MAPRE2: variants seen among roughly 807,000 people sequenced by gnomAD.
The protein encoded by MAPRE2 is microtubule-associated protein RP/EB family member 2.
MAPRE2 carries 13 observed loss-of-function variants against 43.2 expected under a neutral mutation model. The ratio of observed to expected loss-of-function variants is 0.30; its 90% confidence interval spans 0.20 to 0.48. MAPRE2 has a LOEUF of 0.48. Ranked by LOEUF, MAPRE2 falls within the 20% of genes least tolerant of loss-of-function variation. The pLI, the probability that MAPRE2 is intolerant of heterozygous loss-of-function variation, is 0.99. For synonymous variants in MAPRE2, 135 were observed against 148.8 expected (o/e 0.91, Z 0.68); for missense variants, 161 against 400.2 (o/e 0.40, Z 5.10).
At chr18:35,080,825 TC>T (rs1568996248) in intron 2 of MAPRE2, among the ~76,000 whole-genome samples, 1 of 149,336 alleles carries the variant, frequency 6.7e-6, no homozygotes, top group Admixed American at 6.7e-5. Context: ...TTTTTTTTTT[TC>T]CCACCCTGAA....
intron 1 of MAPRE2, among the ~76,000 whole-genome samples, chr18:35,064,680 C>G (rs1000370577): frequency 1.3e-5 from 2 of 152,136 alleles, no homozygotes; most frequent in Non-Finnish European, 2.9e-5. Flanking sequence ...AGTAGGCTAA[C>G]TCAGGTCTCA....
Position 35,132,165 on chromosome 18 carries a change from A to G in MAPRE2, c.884A>G (p.Asp295Gly). The G allele has an allele frequency of 1.2e-6, 2 of 1,614,194 alleles. No individual in the cohort carries two copies. The highest frequency in any genetic ancestry group is 8.5e-7 in the Non-Finnish European group (1 of 1,180,018). Residue 295 changes from aspartate to glycine, a missense_variant, in exon 6 of 7, where the codon GAC (aspartate) becomes GGC (glycine). Coordinates refer to ENST00000300249, the MANE Select transcript of MAPRE2 (RefSeq NM_014268.4). ...GATGACCTCGTGCAGAGACTAATGGACATCCTGTATGCTTCAGAAGAACAC... is the reference window on the plus strand; with the variant it reads ...GATGACCTCGTGCAGAGACTAATGGGCATCCTGTATGCTTCAGAAGAACAC... ...ENDDLVQRLM[D>G]ILYASEEHEG...
chr18:35,020,658 A>G (rs550367757), intron 2 of MAPRE2, among the ~76,000 whole-genome samples: 1 of 152,050 alleles, frequency 6.6e-6, no homozygotes, highest in African/African-American at 2.4e-5. Flanking sequence ...GAATAAGACT[A>G]TCTAACCACT....
rs528257827 is a variant in MAPRE2, at chr18:34,981,853, C to T, written c.-70+4774C>T. Among the ~76,000 whole-genome samples the T allele has an allele frequency of 4.4e-4, 66 of 149,600 alleles. 1 individual carries two copies. The highest frequency in any genetic ancestry group is 8.7e-4 in the Admixed American group (13 of 14,924). ...CTACTCATATACATCATTGTCTCAG[C>T]GACTTTATTTATTTTTTTTTTTTAT... is the stretch of plus-strand genomic sequence containing the variant. On this transcript the variant is annotated intron_variant, in intron 1 of 7. Transcript: ENST00000413393.
intron 6 of MAPRE2, among the ~76,000 whole-genome samples, chr18:35,139,369 G>C (rs1248808302): frequency 6.6e-6 from 1 of 152,188 alleles, no homozygotes; most frequent in Non-Finnish European, 1.5e-5. Flanking sequence ...TGCTCCCTCA[G>C]CTTGGGTAAA....
intron 2 of MAPRE2, among the ~76,000 whole-genome samples, chr18:35,012,149 T>C (rs1223133206): frequency 6.6e-6 from 1 of 152,124 alleles, no homozygotes; most frequent in East Asian, 1.9e-4. Context: ...CAGGACACAT[T>C]GTAAACGTGA....
At chr18:35,137,194 TG>T (rs1156424051) in intron 6 of MAPRE2, among the ~76,000 whole-genome samples, 1 of 152,206 alleles carries the variant, frequency 6.6e-6, no homozygotes, top group East Asian at 1.9e-4. Context: ...GGAGCTTTGC[TG>T]GTATTTCCCA....
chr18:35,012,746 G>T (rs907665883), intron 2 of MAPRE2, among the ~76,000 whole-genome samples: 12 of 152,200 alleles, frequency 7.9e-5, no homozygotes, highest in African/African-American at 2.7e-4. Flanking sequence ...CTGACAGGAG[G>T]GGGAAATGGA....
chr18:35,104,585 A>C (rs1370402119), intron 4 of MAPRE2, among the ~76,000 whole-genome samples: 2 of 152,118 alleles, frequency 1.3e-5, no homozygotes, highest in African/African-American at 2.4e-5. Context: ...AAAAGGTGAG[A>C]TGTCAAGGGC....
At chr18:34,981,379 TAA>T (rs536500398) in intron 1 of MAPRE2, among the ~76,000 whole-genome samples, 3 of 139,808 alleles carry the variant, frequency 2.1e-5, no homozygotes, top group Non-Finnish European at 1.6e-5. Flanking sequence ...GATGCCATCT[TAA>T]AAAAAAAAAA....
At chr18:35,113,451 T>G (rs1046458552) in intron 4 of MAPRE2, among the ~76,000 whole-genome samples, 2 of 152,066 alleles carry the variant, frequency 1.3e-5, no homozygotes, top group Non-Finnish European at 2.9e-5. Flanking sequence ...TGGGTCAAAG[T>G]ATGTACATTG....
intron 1 of MAPRE2, among the ~76,000 whole-genome samples, chr18:34,996,031 T>G (rs1431993706): frequency 6.6e-6 from 1 of 152,200 alleles, no homozygotes; most frequent in Non-Finnish European, 1.5e-5. Context: ...CTGTCACAGA[T>G]GAACCTGATA....
intron 1 of MAPRE2, among the ~76,000 whole-genome samples, chr18:34,987,058 T>G (rs2097021384): frequency 2.6e-5 from 4 of 152,142 alleles, no homozygotes; most frequent in Admixed American, 2.6e-4. Flanking sequence ...AACTGAAGTT[T>G]TTTTGCACAA....
intron 5 of MAPRE2, among the ~76,000 whole-genome samples, chr18:35,129,220 C>G (rs1233376529): frequency 6.6e-6 from 1 of 152,206 alleles, no homozygotes; most frequent in African/African-American, 2.4e-5. Flanking sequence ...TTACTGAGCA[C>G]TTACTCCAAA....
intron 1 of MAPRE2, among the ~76,000 whole-genome samples, chr18:35,049,682 G>T (rs1905835655): frequency 6.6e-6 from 1 of 152,172 alleles, no homozygotes; most frequent in Non-Finnish European, 1.5e-5. Flanking sequence ...AGGTGTGGCT[G>T]TCATTGGTTC....
chr18:35,070,264 T>A lies in MAPRE2; in HGVS notation c.192T>A (p.Ile64=). Residue 64 remains isoleucine (I), a synonymous_variant, in exon 2 of 7, where the codon ATT becomes ATA. Coordinates refer to ENST00000300249, the MANE Select transcript of MAPRE2 (RefSeq NM_014268.4). ...TQETMSRHDI[I]AWVNDIVSLN... ...AGACTATGAGCAGACATGACATCAT[T>A]GCATGGGTTAATGACATAGTATCTT... The A allele has an allele frequency of 6.2e-7, 1 of 1,611,854 alleles. No individual in the cohort carries two copies. The highest frequency in any genetic ancestry group is 8.5e-7 in the Non-Finnish European group (1 of 1,178,608).
chr18:35,112,686 T>C (rs558287547), intron 4 of MAPRE2, among the ~76,000 whole-genome samples: 318 of 152,292 alleles, frequency 2.1e-3, no homozygotes, highest in Non-Finnish European at 3.4e-3. Flanking sequence ...AGAAGAGAGG[T>C]AGCAGTGGTT....
chr18:35,129,618 G>GA (rs1322092175), intron 5 of MAPRE2, among the ~76,000 whole-genome samples: 1 of 152,238 alleles, frequency 6.6e-6, no homozygotes, highest in East Asian at 1.9e-4. Flanking sequence ...AAGTGGGTTG[G>GA]AGTCAGTGGA....
At chr18:35,137,135 A>G (rs1910425784) in intron 6 of MAPRE2, among the ~76,000 whole-genome samples, 1 of 152,246 alleles carries the variant, frequency 6.6e-6, no homozygotes, top group Non-Finnish European at 1.5e-5. Context: ...CCAGACTCTC[A>G]GACTGCCTTA....
Sources: allele counts gnomAD v4.1 joint callset (sites outside exome capture counted in the v4.1 genomes callset), GRCh38; gene constraint gnomAD v4.1.1; transcripts MANE v1.5; gene names NCBI Gene and HGNC (gene_info 2026-07-23, HGNC 2026-07-21).